Variants in SORBS2 observed in about 807,000 individuals in gnomAD.
SORBS2 encodes the protein sorbin and SH3 domain-containing protein 2.
A neutral mutation model predicts 97.7 loss-of-function variants in SORBS2; 46 were observed. That is an observed-to-expected ratio of 0.47 (90% CI 0.37 to 0.60). The LOEUF (loss-of-function observed/expected upper bound fraction) is 0.60. Among genes scored for constraint, SORBS2 ranks in the 20% least tolerant of loss-of-function variants. The probability of loss-of-function intolerance (pLI) is 0.00; values close to 1 mark genes in which losing one functional copy is unlikely to be tolerated. For missense variants in SORBS2, 1,316 were observed against 1,282.3 expected (o/e 1.03, Z -0.40); for synonymous variants, 476 against 473.4 (o/e 1.01, Z -0.07).
chr4:185,624,373 T>C, exon 7 of SORBS2: 1 of 1,614,204 alleles, frequency 6.2e-7, no homozygotes, highest in Non-Finnish European at 8.5e-7. Context: ...TGGCTCTTGG[T>C]GAGTCCCGAG....
chr4:185,695,242 C>G (rs1410682924), intron 2 of SORBS2, among the ~76,000 whole-genome samples: 2 of 152,046 alleles, frequency 1.3e-5, no homozygotes, highest in African/African-American at 4.8e-5. Flanking sequence ...AGACAAAATC[C>G]TTTCCCCAGT....
At chr4:185,627,058 G>A (rs781745879) in intron 5 of SORBS2, 39 bp from the exon 18 acceptor site, 32 of 1,597,270 alleles carry the variant, frequency 2.0e-5, no homozygotes, top group Non-Finnish European at 2.7e-5. Flanking sequence ...TGGCACTGGA[G>A]GAGGTTCGGG....
chr4:185,852,679 C>T (rs887605748), intron 1 of SORBS2, among the ~76,000 whole-genome samples: 3 of 152,128 alleles, frequency 2.0e-5, no homozygotes, highest in African/African-American at 4.8e-5. Context: ...CTAGCCTCTG[C>T]GGTAGGTTAT....
At chr4:185,903,150 T>C (rs1293758297) in intron 1 of SORBS2, among the ~76,000 whole-genome samples, 4 of 152,106 alleles carry the variant, frequency 2.6e-5, no homozygotes, top group Non-Finnish European at 5.9e-5. Context: ...GAAACACAAC[T>C]AAAAGACCTA....
chr4:185,631,624 T>C (rs2096907855), intron 4 of SORBS2, among the ~76,000 whole-genome samples: 1 of 152,092 alleles, frequency 6.6e-6, no homozygotes. Context: ...GAGCCAGGCA[T>C]GGTGACACAT....
intron 1 of SORBS2, among the ~76,000 whole-genome samples, chr4:185,857,033 G>C (rs956687284): frequency 6.6e-6 from 1 of 152,128 alleles, no homozygotes; most frequent in Non-Finnish European, 1.5e-5. Flanking sequence ...TTCAAGATGA[G>C]ATTTGGGTTT....
At chr4:185,595,877 G>A (rs532478062) in intron 12 of SORBS2, among the ~76,000 whole-genome samples, 17 of 151,514 alleles carry the variant, frequency 1.1e-4, no homozygotes, top group African/African-American at 4.1e-4. Context: ...TAAAACTTCT[G>A]GCCAAAGAGT....
rs2096411613 is a variant in SORBS2 at position 185,606,086 on chromosome 4, G to A, written c.2796+5694C>T. 1.0e-6 allele frequency: 1 copy of A among 985,098 alleles called. No individual in the cohort carries two copies. The highest frequency in any genetic ancestry group is 1.2e-6 in the Non-Finnish European group (1 of 829,664). 61.0% of individuals were successfully genotyped at this position (985,098 alleles called of 1,614,324 possible). On this transcript the variant is annotated intron_variant, in intron 12 of 14. Transcript: ENST00000418609. This position sits in a 1 kb window ranked among gnomAD's most constrained non-coding sequence, Gnocchi z 4.3. The stretch of plus-strand genomic sequence containing the variant: ...TTTCTGTTGTCTTTGTTTATTATTA[G>A]CATTATTATTTTTGCAAAGTGCCGT...
chr4:185,909,157 T>A (rs1579436712), intron 1 of SORBS2, among the ~76,000 whole-genome samples: 1 of 152,084 alleles, frequency 6.6e-6, no homozygotes, highest in Non-Finnish European at 1.5e-5. Context: ...TAAGTGTCCA[T>A]CAACAGATGA....
chr4:185,731,181 G>C (rs1053504816), intron 2 of SORBS2, among the ~76,000 whole-genome samples: 5 of 152,124 alleles, frequency 3.3e-5, no homozygotes, highest in Admixed American at 1.3e-4. Flanking sequence ...TCTTGACAGA[G>C]TCAAATGCAG....
intron 12 of SORBS2, among the ~76,000 whole-genome samples, chr4:185,610,898 T>A (rs1184599026): frequency 6.6e-6 from 1 of 152,146 alleles, no homozygotes; most frequent in African/African-American, 2.4e-5. Flanking sequence ...AAAGTTTTAT[T>A]CCTAGAAGTT....
intron 1 of SORBS2, among the ~76,000 whole-genome samples, chr4:185,877,147 C>T (rs1312248247): frequency 6.6e-6 from 1 of 151,990 alleles, no homozygotes; most frequent in Non-Finnish European, 1.5e-5. Flanking sequence ...TTGCTGGAGG[C>T]ACAAATAAAC....
intron 2 of SORBS2, among the ~76,000 whole-genome samples, chr4:185,683,391 G>T (rs575007084): frequency 3.9e-5 from 6 of 152,304 alleles, no homozygotes; most frequent in African/African-American, 1.4e-4. Context: ...GTCTGAGTAG[G>T]TTGGACTGAG....
At chr4:185,868,147 C>CTTTCTTTCTTAT (rs1288748201) in intron 1 of SORBS2, among the ~76,000 whole-genome samples, 1 of 89,766 alleles carries the variant, frequency 1.1e-5, no homozygotes, top group African/African-American at 4.8e-5. Flanking sequence ...CTTTTCTTTT[C>CTTTCTTTCTTAT]TTTTTTTCTT....
At chr4:185,934,708 C>T (rs567802472) in intron 1 of SORBS2, among the ~76,000 whole-genome samples, 51 of 150,992 alleles carry the variant, frequency 3.4e-4, no homozygotes, top group Non-Finnish European at 5.9e-4. Context: ...CGCTTGAACC[C>T]GGGAGGCGGA....
At chr4:185,917,934 G>A (rs968738906) in intron 1 of SORBS2, among the ~76,000 whole-genome samples, 4 of 152,144 alleles carry the variant, frequency 2.6e-5, no homozygotes, top group Admixed American at 2.0e-4. Flanking sequence ...GACTGTCAAC[G>A]ATAGAACGGG....
intron 1 of SORBS2, among the ~76,000 whole-genome samples, chr4:185,874,563 G>C (rs752343601): frequency 2.7e-4 from 41 of 152,240 alleles, no homozygotes; most frequent in Non-Finnish European, 5.1e-4. Flanking sequence ...GCATTTTTAA[G>C]GTCCTAATCA....
At chr4:185,938,340 A>G (rs1449738303) in intron 1 of SORBS2, among the ~76,000 whole-genome samples, 1 of 151,076 alleles carries the variant, frequency 6.6e-6, no homozygotes, top group Admixed American at 6.6e-5. Context: ...TATTCTTTTG[A>G]TAATCTAGGG....
At chr4:185,800,859 C>G (rs1561112895) in intron 1 of SORBS2, among the ~76,000 whole-genome samples, 1 of 152,194 alleles carries the variant, frequency 6.6e-6, no homozygotes, top group Admixed American at 6.5e-5. Context: ...GTGCACTGAT[C>G]ACCACAATCA....
Sources: allele counts gnomAD v4.1 joint callset (sites outside exome capture counted in the v4.1 genomes callset), GRCh38; gene constraint gnomAD v4.1.1; non-coding constraint Gnocchi (gnomAD v3.1); transcripts MANE v1.5; gene names NCBI Gene and HGNC (gene_info 2026-07-23, HGNC 2026-07-21).